The following RALYL variants were observed in gnomAD, a reference collection of about 807,000 sequenced individuals.
RALYL encodes the protein RALY RNA binding protein like.
A neutral mutation model predicts 35.1 loss-of-function variants in RALYL; 29 were observed. The ratio of observed to expected loss-of-function variants is 0.83; its 90% CI spans 0.61 to 1.13. The LOEUF is 1.13. Ranked by LOEUF, RALYL falls within the 50% of genes most tolerant of loss-of-function variation. The pLI is 0.00. For missense variants in RALYL, 359 were observed against 360.4 expected, an observed-to-expected ratio of 1.00 and a Z score of 0.03; for synonymous variants, 120 against 127.6, an observed-to-expected ratio of 0.94 and a Z score of 0.40.
chr8:84,456,466 G>A (rs954585198), intron 1 of RALYL, among the ~76,000 whole-genome samples: 13 of 151,644 alleles, frequency 8.6e-5, no homozygotes, highest in Non-Finnish European at 1.2e-4. Flanking sequence ...CAAACCAAAT[G>A]TTCTTCTTTA....
chr8:84,344,808 C>G (rs1849510331), intron 1 of RALYL, among the ~76,000 whole-genome samples: 1 of 151,988 alleles, frequency 6.6e-6, no homozygotes, highest in Non-Finnish European at 1.5e-5. Context: ...GTCTTTATGT[C>G]CTTGGCTTAT....
Position 84,451,224 on chromosome 8 carries a change from G to A in RALYL, c.-23-78075G>A, listed in dbSNP as rs529494342. ...TCCAACTATATTTCTGGGTTTTATT[G>A]GTGAAATAAATATGTAATTATCTAA... On this transcript the variant is annotated intron_variant, in intron 1 of 8. Coordinates refer to ENST00000521268, the MANE Select transcript of RALYL (RefSeq NM_173848.7). Among the ~76,000 whole-genome samples, 5 of 151,758 alleles carry A rather than the reference G, an allele frequency of 3.3e-5. No individual in the cohort carries two copies. In the East Asian group the frequency reaches 5.9e-4, roughly 18 times the overall value.
chr8:84,325,231 T>C (rs547564430), intron 1 of RALYL, among the ~76,000 whole-genome samples: 1 of 152,246 alleles, frequency 6.6e-6, no homozygotes, highest in African/African-American at 2.4e-5. Flanking sequence ...CGTCAGGAAA[T>C]ATATCTCCTT....
intron 1 of RALYL, among the ~76,000 whole-genome samples, chr8:84,189,094 G>C (rs62528125): frequency 0.086 from 13,103 of 152,074 alleles, 631 homozygotes; most frequent in East Asian, 0.24. Flanking sequence ...AGACTCCTCA[G>C]CTGGGGGTCA....
chr8:84,454,019 A>G (rs555372326), intron 1 of RALYL, among the ~76,000 whole-genome samples: 89 of 152,076 alleles, frequency 5.9e-4, no homozygotes, highest in Non-Finnish European at 1.2e-3. Context: ...AAGATTACAT[A>G]TAATAAATGG....
At chr8:84,797,671 A>G (rs145225993) in intron 3 of RALYL, among the ~76,000 whole-genome samples, 9 of 152,214 alleles carry the variant, frequency 5.9e-5, no homozygotes, top group Admixed American at 2.6e-4. Context: ...TGTATTCCCT[A>G]TTAAGAGATT....
chr8:84,456,739 T>A (rs711016), intron 1 of RALYL, among the ~76,000 whole-genome samples: 6,371 of 152,124 alleles, frequency 0.042, 164 homozygotes, highest in Middle Eastern at 0.078. Context: ...TTATATATTG[T>A]GTTTTGTTCA....
At chr8:84,298,331 A>T (rs1012657259) in intron 1 of RALYL, among the ~76,000 whole-genome samples, 1 of 152,056 alleles carries the variant, frequency 6.6e-6, no homozygotes, top group East Asian at 1.9e-4. Flanking sequence ...TTTGTTGATG[A>T]TCAGATGGTT....
chr8:84,763,723 C>T (rs947176966), intron 2 of RALYL, among the ~76,000 whole-genome samples: 1 of 151,996 alleles, frequency 6.6e-6, no homozygotes, highest in African/African-American at 2.4e-5. Flanking sequence ...TTTCAGAAAA[C>T]TTATTCAAGA....
Position 84,208,287 on chromosome 8 carries a change from C to A in RALYL, c.-24+23863C>A, listed in dbSNP as rs987825810. Among the ~76,000 whole-genome samples the A allele has an allele frequency of 9.2e-5, 14 of 152,254 alleles. No individual in the cohort carries two copies. The East Asian group carries it at 1.7e-3, about 19-fold the overall frequency. The stretch of plus-strand genomic sequence containing the variant: ...GTTTGAAATTTTTTAATTTCATTGA[C>A]AAACTACCATTTTTCTCTTTAAATC... On this transcript the variant is annotated intron_variant, in intron 1 of 8. Coordinates refer to ENST00000521268, the MANE Select transcript of RALYL (RefSeq NM_173848.7).
chr8:84,645,016 C>A (rs1397708064), intron 2 of RALYL, among the ~76,000 whole-genome samples: 1 of 152,144 alleles, frequency 6.6e-6, no homozygotes, highest in East Asian at 1.9e-4. Context: ...TCCCAAAATG[C>A]TAGGATTACA....
At chr8:84,614,054 C>T (rs1300698804) in intron 2 of RALYL, among the ~76,000 whole-genome samples, 2 of 151,076 alleles carry the variant, frequency 1.3e-5, no homozygotes, top group African/African-American at 4.9e-5. Flanking sequence ...TAGGCCTTAG[C>T]GTCCTCATCT....
At chr8:84,477,851 A>G (rs1439663846) in intron 1 of RALYL, among the ~76,000 whole-genome samples, 2 of 151,960 alleles carry the variant, frequency 1.3e-5, no homozygotes, top group Non-Finnish European at 2.9e-5. Flanking sequence ...GGAAGATATG[A>G]CACCAGTCAA....
intron 1 of RALYL, among the ~76,000 whole-genome samples, chr8:84,359,099 C>A (rs1330439435): frequency 1.3e-5 from 2 of 151,844 alleles, no homozygotes; most frequent in Admixed American, 6.6e-5. Flanking sequence ...CATATGAATC[C>A]ATTTTACTAA....
intron 2 of RALYL, among the ~76,000 whole-genome samples, chr8:84,687,124 AG>A: frequency 6.6e-6 from 1 of 152,210 alleles, no homozygotes; most frequent in Non-Finnish European, 1.5e-5. Context: ...AATGTTAATT[AG>A]AATTTTTAAT....
chr8:84,581,762 G>T (rs1394239191), intron 2 of RALYL, among the ~76,000 whole-genome samples: 4 of 152,074 alleles, frequency 2.6e-5, no homozygotes, highest in East Asian at 1.9e-4. Context: ...TCCAAATAAA[G>T]CACTTACTGT....
intron 1 of RALYL, among the ~76,000 whole-genome samples, chr8:84,199,681 G>T (rs1048156018): frequency 6.6e-6 from 1 of 152,184 alleles, no homozygotes; most frequent in Non-Finnish European, 1.5e-5. Flanking sequence ...TATATGGCAT[G>T]AGATGGTTGT....
intron 1 of RALYL, among the ~76,000 whole-genome samples, chr8:84,522,964 C>T (rs1211409406): frequency 6.6e-6 from 1 of 151,812 alleles, no homozygotes; most frequent in Non-Finnish European, 1.5e-5. Context: ...AAACAGGGGG[C>T]CTCACAATCA....
chr8:84,192,898 T>G, intron 1 of RALYL, among the ~76,000 whole-genome samples: 1 of 102,130 alleles, frequency 9.8e-6, no homozygotes, highest in Non-Finnish European at 1.9e-5. Flanking sequence ...TGTGTGTGTG[T>G]GTGTGTGTGG....
Sources: gnomAD v4.1 joint callset for allele counts (sites outside exome capture counted in the v4.1 genomes callset) on GRCh38, gnomAD v4.1.1 for gene constraint, MANE v1.5 for transcripts, NCBI Gene and HGNC (gene_info 2026-07-23, HGNC 2026-07-21) for gene names.